VPS13B: variants seen among roughly 807,000 people sequenced by gnomAD.
VPS13B encodes vacuolar protein sorting 13 homolog B.
A neutral mutation model predicts 426.4 loss-of-function variants in VPS13B; 285 were observed. That is an observed-to-expected ratio of 0.67 (90% CI 0.61 to 0.74). VPS13B has a LOEUF of 0.74. Among genes scored for constraint, VPS13B ranks in the 30% least tolerant of loss-of-function variants. VPS13B has a pLI of 0.00. For synonymous variants in VPS13B, 1,676 were observed against 1,676.4 expected, an observed-to-expected ratio of 1.00 and a Z score of 0.01; for missense variants, 4,537 against 4,782.6, an observed-to-expected ratio of 0.95 and a Z score of 1.51.
chr8:99,497,401 T>A, intron 25 of VPS13B, among the ~76,000 whole-genome samples: 1 of 147,016 alleles, frequency 6.8e-6, no homozygotes, highest in East Asian at 2.0e-4. Flanking sequence ...TATATTTATG[T>A]AATATAAAAA....
rs898178276 is a variant in VPS13B at position 99,585,653 on chromosome 8, A to T, written c.5220+8020A>T. On this transcript the variant is annotated intron_variant, in intron 33 of 61. Coordinates refer to ENST00000357162, the MANE Select transcript of VPS13B (RefSeq NM_152564.5). Reference sequence around the variant, plus strand: ...CCCTTTCATAATAAAAACATGCAAAAAACTAGGAATAGAAGGGAGCTTACT... The same window carrying T: ...CCCTTTCATAATAAAAACATGCAAATAACTAGGAATAGAAGGGAGCTTACT... Among the ~76,000 whole-genome samples the T allele has an allele frequency of 4.6e-5, 7 of 152,322 alleles. No individual in the cohort carries two copies. The Middle Eastern group carries it at 0.01, about 222-fold the overall frequency.
At chr8:99,517,724 A>G (rs1280497976) in intron 29 of VPS13B, among the ~76,000 whole-genome samples, 1 of 152,134 alleles carries the variant, frequency 6.6e-6, no homozygotes, top group Non-Finnish European at 1.5e-5. Flanking sequence ...TCAATTTTAA[A>G]AAATAGAGTT....
At position 99,462,063 on chromosome 8, in the gene VPS13B, T is replaced by A. The variant is rs556996902; in HGVS notation, c.3446-5351T>A. 1.6e-4 allele frequency among the ~76,000 whole-genome samples: 24 copies of A among 151,868 alleles called. 1 individual carries two copies. The highest frequency in any genetic ancestry group is 3.4e-3 in the Middle Eastern group (1 of 294). On this transcript the variant is annotated intron_variant, in intron 23 of 61. Transcript: ENST00000357162. Reference sequence around the variant, plus strand: ...TGCCAATGCTTAAGACCCAGCCGTTTTTACTCATTCATTCCCCTCCCTCCC... The same window carrying A: ...TGCCAATGCTTAAGACCCAGCCGTTATTACTCATTCATTCCCCTCCCTCCC...
intron 14 of VPS13B, among the ~76,000 whole-genome samples, chr8:99,149,935 C>G (rs553469265): frequency 2.0e-5 from 3 of 152,158 alleles, no homozygotes. Context: ...AACCATACCC[C>G]TTCTCCTGTC....
intron 33 of VPS13B, among the ~76,000 whole-genome samples, chr8:99,631,730 A>G (rs186437943): frequency 7.2e-5 from 11 of 152,012 alleles, no homozygotes; most frequent in Non-Finnish European, 1.3e-4. Context: ...TGTGTTTTAT[A>G]TATACATATA....
At chr8:99,133,215 G>A (rs1398585627) in intron 8 of VPS13B, among the ~76,000 whole-genome samples, 1 of 152,154 alleles carries the variant, frequency 6.6e-6, no homozygotes, top group Non-Finnish European at 1.5e-5. Context: ...CAACCCTTGC[G>A]CTTTTATGGT....
chr8:99,620,815 A>C (rs182329445), intron 33 of VPS13B, among the ~76,000 whole-genome samples: 1 of 151,512 alleles, frequency 6.6e-6, no homozygotes, highest in African/African-American at 2.4e-5. Flanking sequence ...CTACTAAAAA[A>C]AAAAAATATA....
At chr8:99,120,183 G>A (rs540964580) in intron 7 of VPS13B, 3 of 151,964 alleles carry the variant, frequency 2.0e-5, no homozygotes, top group East Asian at 1.9e-4. Context: ...TTAAGTCACC[G>A]ATCCTGGCCC....
intron 22 of VPS13B, among the ~76,000 whole-genome samples, chr8:99,438,815 C>T (rs919433198): frequency 1.3e-5 from 2 of 152,058 alleles, no homozygotes; most frequent in African/African-American, 4.8e-5. Flanking sequence ...ATTTTAATGG[C>T]CCCTATATAC....
chr8:99,468,931 A>G (rs1025051093), intron 24 of VPS13B, among the ~76,000 whole-genome samples: 2 of 151,832 alleles, frequency 1.3e-5, no homozygotes, highest in Non-Finnish European at 2.9e-5. Flanking sequence ...CTTTTTTGAA[A>G]CCATCCTCAT....
Position 99,156,654 on chromosome 8 carries a change from T to C in VPS13B, c.2119T>C (p.Tyr707His), listed in dbSNP as rs1303057018. 1.9e-6 allele frequency: 3 copies of C among 1,614,106 alleles called. No homozygotes were observed. Among genetic ancestry groups the C allele is most frequent in the Non-Finnish European group, 1.7e-6 (2 of 1,179,926 alleles). Residue 707 changes from tyrosine (Y) to histidine (H), a missense_variant, in exon 15 of 62, where the codon TAT (tyrosine) becomes CAT (histidine). By Grantham distance (83) the Tyr-to-His change is moderately conservative. Coordinates refer to ENST00000357162, the MANE Select transcript of VPS13B (RefSeq NM_152564.5). ...TAATCTGGAACATTCAGTGCCAATGTATGCTGAACAGTTGGTGCATGTGGT... is the reference window on the plus strand; with the variant it reads ...TAATCTGGAACATTCAGTGCCAATGCATGCTGAACAGTTGGTGCATGTGGT... ...KINLEHSVPM[Y>H]AEQLVHVVSS...
chr8:99,463,477 A>T (rs918614453), intron 23 of VPS13B, among the ~76,000 whole-genome samples: 8 of 152,182 alleles, frequency 5.3e-5, no homozygotes, highest in African/African-American at 1.9e-4. Context: ...CACATTTCCT[A>T]ACACAAAACA....
At chr8:99,733,802 C>T (rs568431209) in intron 39 of VPS13B, among the ~76,000 whole-genome samples, 12 of 152,262 alleles carry the variant, frequency 7.9e-5, no homozygotes, top group Middle Eastern at 3.4e-3. Flanking sequence ...TTAAATGCTA[C>T]GTCAAAGTTA....
intron 3 of VPS13B, among the ~76,000 whole-genome samples, chr8:99,079,860 G>A (rs992070154): frequency 1.3e-5 from 2 of 151,702 alleles, no homozygotes; most frequent in African/African-American, 4.8e-5. Flanking sequence ...GGGAGGTGGA[G>A]GTTGTGGTGA....
intron 33 of VPS13B, among the ~76,000 whole-genome samples, chr8:99,598,709 T>A (rs1187988320): frequency 2.0e-5 from 3 of 151,932 alleles, no homozygotes; most frequent in African/African-American, 7.3e-5. Context: ...ATAACACTAA[T>A]TGAGCATTCC....
At chr8:99,028,353 A>ACCTC (rs1842254077) in intron 2 of VPS13B, among the ~76,000 whole-genome samples, 1 of 121,142 alleles carries the variant, frequency 8.3e-6, no homozygotes, top group Non-Finnish European at 1.8e-5. Context: ...TGACCCCCCC[A>ACCTC]CCTCCCTCCC....
intron 30 of VPS13B, among the ~76,000 whole-genome samples, chr8:99,529,210 T>G (rs1366104820): frequency 2.6e-5 from 4 of 152,188 alleles, no homozygotes; most frequent in African/African-American, 9.7e-5. Context: ...AACCACCTCC[T>G]TACCCTGTGG....
At chr8:99,604,737 G>A (rs1218806901) in intron 33 of VPS13B, among the ~76,000 whole-genome samples, 11 of 152,038 alleles carry the variant, frequency 7.2e-5, no homozygotes, top group East Asian at 3.9e-4. Context: ...TGATCCACCC[G>A]CCTCGGCCCC....
chr8:99,509,382 C>G (rs1261101644), intron 28 of VPS13B, among the ~76,000 whole-genome samples: 1 of 151,722 alleles, frequency 6.6e-6, no homozygotes, highest in Non-Finnish European at 1.5e-5. Context: ...TTATACTGCA[C>G]AACCATTTAA....
Sources: allele counts gnomAD v4.1 joint callset (sites outside exome capture counted in the v4.1 genomes callset), GRCh38; gene constraint gnomAD v4.1.1; transcripts MANE v1.5; gene names NCBI Gene and HGNC (gene_info 2026-07-23, HGNC 2026-07-21).